SCN1A: variants seen among roughly 807,000 people sequenced by gnomAD.
SCN1A encodes sodium channel protein type 1 subunit alpha.
Under a neutral mutation model 193.7 loss-of-function variants are expected in SCN1A, and 13 were observed. The ratio of observed to expected loss-of-function variants is 0.07; its 90% CI spans 0.04 to 0.11. The LOEUF (loss-of-function observed/expected upper bound fraction) is 0.11. SCN1A is among the 10% of genes least tolerant of loss of function. The probability of loss-of-function intolerance (pLI) is 1.00; values close to 1 mark genes in which losing one functional copy is unlikely to be tolerated. For synonymous variants in SCN1A, 781 were observed against 843.6 expected, an observed-to-expected ratio of 0.93 and a Z score of 1.29; for missense variants, 1,432 against 2,451.1, an observed-to-expected ratio of 0.58 and a Z score of 8.78.
At chr2:166,143,176 T>C (rs1178783275) in intron 1 of SCN1A, among the ~76,000 whole-genome samples, 10 of 150,100 alleles carry the variant, frequency 6.7e-5, no homozygotes, top group Non-Finnish European at 1.5e-4. Context: ...CATTTTTTTT[T>C]TTTTTTTTGA....
intron 4 of SCN1A, chr2:166,061,017 T>G (rs1039418953): frequency 6.6e-6 from 1 of 152,080 alleles, no homozygotes; most frequent in African/African-American, 2.4e-5. Context: ...TACAAAGAGA[T>G]AATGAGAAAG....
chr2:165,997,886 T>C, intron 26 of SCN1A, 152 bp downstream of exon 26: 2 of 599,786 alleles, frequency 3.3e-6, no homozygotes, highest in East Asian at 5.8e-5. Context: ...CGGAAATATA[T>C]GGATAGTGAA....
Position 165,985,841 on chromosome 2 carries a change from T to A in SCN1A, c.*5404A>T, listed in dbSNP as rs1688576947. The stretch of plus-strand genomic sequence containing the variant: ...ATGGTGGTTTAGAAACACATTTATT[T>A]TCTTATATAATAAGAAATTCCAGTG... On this transcript the variant is annotated 3_prime_UTR_variant, in exon 29 of 29. Coordinates refer to ENST00000674923, the MANE Select transcript of SCN1A (RefSeq NM_001165963.4). 1 of 152,198 alleles carries A rather than the reference T, an allele frequency of 6.6e-6. No homozygotes were observed. The highest frequency in any genetic ancestry group is 2.4e-5 in the African/African-American group (1 of 41,450). 9.4% of individuals were successfully genotyped at this position (152,198 alleles called of 1,614,324 possible).
At chr2:166,058,009 G>C (rs894443488) in intron 5 of SCN1A, among the ~76,000 whole-genome samples, 2 of 151,960 alleles carry the variant, frequency 1.3e-5, no homozygotes, top group Non-Finnish European at 2.9e-5. Flanking sequence ...CTCATGACTT[G>C]AATTTGAAAT....
chr2:166,044,340 G>A (rs1446246477), intron 13 of SCN1A, among the ~76,000 whole-genome samples: 1 of 151,910 alleles, frequency 6.6e-6, no homozygotes. Flanking sequence ...CATTTCTCAA[G>A]TTCAAAGGGA....
intron 2 of SCN1A, among the ~76,000 whole-genome samples, chr2:166,101,574 A>G (rs1688087121): frequency 6.6e-6 from 1 of 152,076 alleles, no homozygotes; most frequent in South Asian, 2.1e-4. Context: ...AAATAAAGTC[A>G]CACACATACG....
At chr2:166,145,199 G>T (rs185471563) in intron 1 of SCN1A, among the ~76,000 whole-genome samples, 1 of 134,596 alleles carries the variant, frequency 7.4e-6, no homozygotes, top group Non-Finnish European at 1.6e-5. Context: ...TCGCTCTGTC[G>T]TCCAGGCTGG....
At chr2:166,104,950 G>C (rs1688529064) in intron 2 of SCN1A, among the ~76,000 whole-genome samples, 1 of 151,972 alleles carries the variant, frequency 6.6e-6, no homozygotes, top group Non-Finnish European at 1.5e-5. Flanking sequence ...ATTTCCTCAA[G>C]GAATAAAAAT....
chr2:166,117,100 G>A (rs1409053496), intron 2 of SCN1A, among the ~76,000 whole-genome samples: 5 of 152,084 alleles, frequency 3.3e-5, no homozygotes, highest in Non-Finnish European at 7.4e-5. Context: ...ATTGTCAAAT[G>A]TATTTTTAAA....
chr2:166,111,384 G>A (rs947427254), intron 2 of SCN1A, among the ~76,000 whole-genome samples: 2 of 151,632 alleles, frequency 1.3e-5, no homozygotes, highest in African/African-American at 2.4e-5. Flanking sequence ...CAGCACATCT[G>A]TTTACAGCAT....
chr2:166,141,649 T>C, intron 1 of SCN1A, among the ~76,000 whole-genome samples: 1 of 152,328 alleles, frequency 6.6e-6, no homozygotes, highest in African/African-American at 2.4e-5. Flanking sequence ...TTTTGTTCTG[T>C]ATATAGATGG....
chr2:166,129,072 T>A (rs566670636), upstream of SCN1A, among the ~76,000 whole-genome samples: 2 of 152,296 alleles, frequency 1.3e-5, no homozygotes, highest in South Asian at 4.1e-4. Context: ...CATTTATCAA[T>A]ATAACCTTCA....
chr2:166,107,937 G>C (rs1179662668), intron 2 of SCN1A, among the ~76,000 whole-genome samples: 1 of 152,022 alleles, frequency 6.6e-6, no homozygotes, highest in African/African-American at 2.4e-5. Context: ...GGTCAAAAGA[G>C]AACATTGATA....
chr2:166,009,893 G>A (rs1291934669), intron 22 of SCN1A, 52 bp from the exon 23 acceptor site: 2 of 1,543,176 alleles, frequency 1.3e-6, no homozygotes, highest in Middle Eastern at 1.7e-4. Context: ...CATTCAATGT[G>A]TAGTTGCTAT....
chr2:166,077,077 T>G (rs1685057477), intron 3 of SCN1A: 1 of 151,964 alleles, frequency 6.6e-6, no homozygotes, highest in South Asian at 2.1e-4. Flanking sequence ...TATTTGTTTT[T>G]GGTTTTCTAG....
intron 6 of SCN1A, among the ~76,000 whole-genome samples, chr2:166,055,990 T>C (rs541689181): frequency 6.6e-6 from 1 of 152,216 alleles, no homozygotes; most frequent in Non-Finnish European, 1.5e-5. Context: ...ATGTGCCTGA[T>C]GGAAATGAAA....
At chr2:166,022,363 G>A (rs1694183991) in intron 19 of SCN1A, among the ~76,000 whole-genome samples, 1 of 149,968 alleles carries the variant, frequency 6.7e-6, no homozygotes, top group Non-Finnish European at 1.5e-5. Context: ...TTTAGAATTT[G>A]TCACCAACAC....
intron 13 of SCN1A, among the ~76,000 whole-genome samples, chr2:166,044,548 G>A (rs1697564883): frequency 6.6e-6 from 1 of 151,980 alleles, no homozygotes; most frequent in African/African-American, 2.4e-5. Context: ...TGTATTGTTG[G>A]AACTTGAAGT....
chr2:166,049,009 G>T, intron 9 of SCN1A, 60 bp from the exon 10 acceptor site: 1 of 1,016,172 alleles, frequency 9.8e-7, no homozygotes, highest in Non-Finnish European at 1.6e-6. Context: ...ACTCAAATGA[G>T]AACAGGAAGG....
Sources: gnomAD v4.1 joint callset for allele counts (sites outside exome capture counted in the v4.1 genomes callset) on GRCh38, gnomAD v4.1.1 for gene constraint, MANE v1.5 for transcripts, NCBI Gene and HGNC (gene_info 2026-07-23, HGNC 2026-07-21) for gene names.